ADCY5: variants seen among roughly 807,000 people sequenced by gnomAD.
The protein encoded by ADCY5 is adenylate cyclase type 5.
In ADCY5, 30 loss-of-function variants were observed where a neutral mutation model predicts 119.7. The ratio of observed to expected loss-of-function variants is 0.25; its 90% CI spans 0.19 to 0.34. The LOEUF (loss-of-function observed/expected upper bound fraction) is 0.34, where lower values mean the gene tolerates loss of function less well. ADCY5 is among the 10% of genes least tolerant of loss of function. The pLI, the probability that ADCY5 is intolerant of heterozygous loss-of-function variation, is 1.00. For missense variants in ADCY5, 1,324 were observed against 1,775.2 expected, an observed-to-expected ratio of 0.75 and a Z score of 4.57; for synonymous variants, 753 against 762.2, an observed-to-expected ratio of 0.99 and a Z score of 0.20.
intron 1 of ADCY5, among the ~76,000 whole-genome samples, chr3:123,377,929 CAA>C (rs10662985): frequency 1.2e-5 from 1 of 84,558 alleles, no homozygotes; most frequent in East Asian, 3.6e-4. Context: ...GACTCCATCT[CAA>C]AAAAAAAAAA....
At position 123,352,510 on chromosome 3, in the gene ADCY5, G is replaced by A; in HGVS notation, c.1206C>T (p.Val402=). ...TCTCCTGGAAAGCCTGTCTCTGGGA[G>A]ACCTCAGCCGGATAGTGGGTGCAGA... is the stretch of plus-strand genomic sequence containing the variant. ...VGVCTHYPAE[V]SQRQAFQETR... is the part of the protein sequence containing the mutation. Residue 402 remains valine, a synonymous_variant, in exon 2 of 21, where the codon GTC becomes GTT. Transcript: ENST00000462833. The surrounding 1 kb of genome is among the most constrained non-coding windows in gnomAD (Gnocchi z 4.8). 1.2e-6 allele frequency: 2 copies of A among 1,614,016 alleles called. No individual in the cohort carries two copies. The highest frequency in any genetic ancestry group is 1.7e-6 in the Non-Finnish European group (2 of 1,179,964).
At chr3:123,425,451 C>T (rs777714221) in intron 1 of ADCY5, among the ~76,000 whole-genome samples, 1 of 152,226 alleles carries the variant, frequency 6.6e-6, no homozygotes, top group Non-Finnish European at 1.5e-5. Context: ...CTCTGGTGGT[C>T]TGTGGGTGGT....
In ADCY5 at chr3:123,447,805, G is replaced by C; in HGVS notation, c.741C>G (p.Ala247=). The part of the protein sequence containing the change: ...LNQSSLTMLM[A]VLVLVCLVML... ...TGACCAGGCACACGAGCACCAGCACGGCCATGAGCATGGTGAGGCTGCTCT... is the reference window on the plus strand; with the variant it reads ...TGACCAGGCACACGAGCACCAGCACCGCCATGAGCATGGTGAGGCTGCTCT... The change falls in exon 1 of 21, where the codon GCC becomes GCG. Residue 247 remains alanine (A), a synonymous_variant. Coordinates refer to ENST00000462833, the MANE Select transcript of ADCY5 (RefSeq NM_183357.3). 2 of 1,612,508 alleles carry C rather than the reference G, an allele frequency of 1.2e-6. No individual in the cohort carries two copies. Among genetic ancestry groups the C allele is most frequent in the Non-Finnish European group, 1.7e-6 (2 of 1,179,424 alleles).
At chr3:123,296,312 C>G in intron 16 of ADCY5, 96 bp from the exon 17 acceptor site, 1 of 1,371,488 alleles carries the variant, frequency 7.3e-7, no homozygotes, top group South Asian at 1.3e-5. Context: ...CTGTTTTCTT[C>G]CTCCCACTAT....
Position 123,286,239 on chromosome 3 carries a change from G to A in ADCY5, c.3657+446C>T, listed in dbSNP as rs1472664124. Among the ~76,000 whole-genome samples the A allele has an allele frequency of 6.6e-6, 1 of 152,196 alleles. No homozygotes were observed. Among genetic ancestry groups the A allele is most frequent in the Non-Finnish European group, 1.5e-5 (1 of 68,020 alleles). On this transcript the variant is annotated intron_variant, in intron 20 of 20. Transcript: ENST00000462833. The surrounding 1 kb of genome is among the most constrained non-coding windows in gnomAD (Gnocchi z 4.2). ...GTGGCCAGGGCCCTTGGCTGCTGGG[G>A]CTGGGGGAGGTACCATCCCAGGGCC... is the stretch of plus-strand genomic sequence containing the variant.
intron 1 of ADCY5, among the ~76,000 whole-genome samples, chr3:123,403,044 C>T (rs1944814212): frequency 6.6e-6 from 1 of 152,070 alleles, no homozygotes; most frequent in South Asian, 2.1e-4. Context: ...CCAGTGTCTC[C>T]CCATCTGTCC....
chr3:123,388,042 T>C (rs1194867916), intron 1 of ADCY5, among the ~76,000 whole-genome samples: 3 of 152,058 alleles, frequency 2.0e-5, no homozygotes, highest in African/African-American at 7.2e-5. Flanking sequence ...CTAGAGAAGC[T>C]TGGCAGAAGA....
intron 1 of ADCY5, chr3:123,404,698 G>C (rs1456424897): frequency 6.6e-6 from 1 of 152,276 alleles, no homozygotes; most frequent in African/African-American, 2.4e-5. Context: ...GGGCTCTGAG[G>C]GTGTTGTGGG....
intron 3 of ADCY5, among the ~76,000 whole-genome samples, chr3:123,337,578 C>T (rs1414351533): frequency 6.6e-6 from 1 of 152,250 alleles, no homozygotes; most frequent in African/African-American, 2.4e-5. Context: ...GGGCTTGCAG[C>T]CGCATCACTC....
chr3:123,352,486 C>G lies in ADCY5; in HGVS notation c.1230G>C (p.Glu410Asp), dbSNP rs750821239. Residue 410 changes from glutamate (E) to aspartate (D), a missense_variant, in exon 2 of 21, where the codon GAG becomes GAC. Physicochemically the swap from Glu to Asp is conservative, Grantham distance 45. This residue lies in a region of ADCY5 where 123 missense variants were observed against 287.9 expected (regional missense o/e 0.43). Coordinates refer to ENST00000462833, the MANE Select transcript of ADCY5 (RefSeq NM_183357.3). This position sits in a 1 kb window ranked among gnomAD's most constrained non-coding sequence, Gnocchi z 4.8. ...GCCGCGCCTGGATGCACTCTCGGGTCTCCTGGAAAGCCTGTCTCTGGGAGA... is the reference window on the plus strand; with the variant it reads ...GCCGCGCCTGGATGCACTCTCGGGTGTCCTGGAAAGCCTGTCTCTGGGAGA... ...AEVSQRQAFQ[E>D]TRECIQARLH... 11 of 1,613,874 alleles carry G rather than the reference C, an allele frequency of 6.8e-6. No homozygotes were observed.
At chr3:123,416,394 G>A in intron 1 of ADCY5, 1 of 1,471,098 alleles carries the variant, frequency 6.8e-7, no homozygotes, top group South Asian at 1.4e-5. Flanking sequence ...CTGCTTAACA[G>A]TGGAACAGCC....
At chr3:123,350,516 C>G (rs1291325688) in intron 2 of ADCY5, among the ~76,000 whole-genome samples, 3 of 152,222 alleles carry the variant, frequency 2.0e-5, no homozygotes, top group African/African-American at 7.2e-5. Context: ...GGCCCTCCTA[C>G]ATTTACAACC....
intron 16 of ADCY5, chr3:123,297,016 G>A (rs1172417104): frequency 9.1e-6 from 14 of 1,535,960 alleles, no homozygotes; most frequent in Admixed American, 3.9e-5. Flanking sequence ...GTAGGTACCA[G>A]CTTCCATTCT....
intron 2 of ADCY5, among the ~76,000 whole-genome samples, chr3:123,349,138 T>C (rs1344661812): frequency 6.6e-6 from 1 of 152,182 alleles, no homozygotes; most frequent in Non-Finnish European, 1.5e-5. Flanking sequence ...CCTGGATGTC[T>C]TGCCACCACC....
chr3:123,445,346 C>T lies in ADCY5; in HGVS notation c.1134+2066G>A, dbSNP rs199669571. ...TGCTAAGGTGGAATTGGGGCCCCCCCCAAGGCTCAGCACCCCTTTCCTGGG... is the reference window on the plus strand; with the variant it reads ...TGCTAAGGTGGAATTGGGGCCCCCCTCAAGGCTCAGCACCCCTTTCCTGGG... On this transcript the variant is annotated intron_variant, in intron 1 of 20. Transcript: ENST00000462833. Among the ~76,000 whole-genome samples the T allele has an allele frequency of 4.2e-3, 632 of 150,266 alleles. 4 individuals are homozygous for T. Among genetic ancestry groups the T allele is most frequent in the East Asian group, 0.024 (122 of 5,106 alleles).
In ADCY5 at chr3:123,335,672, G is replaced by A. The variant is rs139551419; in HGVS notation, c.1407-2997C>T. 3.0e-3 allele frequency among the ~76,000 whole-genome samples: 463 copies of A among 152,252 alleles called. 3 individuals are homozygous for A. Among genetic ancestry groups the A allele is most frequent in the African/African-American group, 0.01 (434 of 41,550 alleles). ...GGACAGGTACAGGACCCCCCTGAGA[G>A]GGGTCACTCTCAGCAGCTTCTCACC... On this transcript the variant is annotated intron_variant, in intron 3 of 20. Coordinates refer to ENST00000462833, the MANE Select transcript of ADCY5 (RefSeq NM_183357.3).
At chr3:123,292,467 G>T (rs1323159396) in intron 17 of ADCY5, among the ~76,000 whole-genome samples, 1 of 152,154 alleles carries the variant, frequency 6.6e-6, no homozygotes, top group Non-Finnish European at 1.5e-5. Context: ...TGGCCTCCTG[G>T]AGTCCCTGGG....
intron 2 of ADCY5, among the ~76,000 whole-genome samples, chr3:123,351,918 C>T (rs1001782988): frequency 1.3e-5 from 2 of 152,208 alleles, no homozygotes; most frequent in African/African-American, 4.8e-5. Context: ...GACTTTCTTC[C>T]TTCTCAGAAC....
In ADCY5 at chr3:123,350,373, C is replaced by T. The variant is rs1167685735; in HGVS notation, c.1284+2059G>A. On this transcript the variant is annotated intron_variant, in intron 2 of 20. Transcript: ENST00000462833. The stretch of plus-strand genomic sequence containing the variant: ...TGTTCTCTGTGGGTCGGTCTGGTCT[C>T]CCCAAGCAGCAGGAAACACGACCAC... 3.9e-5 allele frequency among the ~76,000 whole-genome samples: 6 copies of T among 152,318 alleles called. No individual in the cohort carries two copies. The East Asian group carries it at 1.2e-3, about 29-fold the overall frequency.
Sources: gnomAD v4.1 joint callset for allele counts (sites outside exome capture counted in the v4.1 genomes callset) on GRCh38, gnomAD v4.1.1 for gene constraint, gnomAD v4.1.1 regional missense constraint, Gnocchi (gnomAD v3.1) non-coding constraint, MANE v1.5 for transcripts, NCBI Gene and HGNC (gene_info 2026-07-23, HGNC 2026-07-21) for gene names.